The following BCL11A variants were observed in gnomAD, a reference collection of about 807,000 sequenced individuals.
The protein encoded by BCL11A is BCL11 transcription factor A.
BCL11A carries 2 observed loss-of-function variants against 55.9 expected under a neutral mutation model. The observed-to-expected ratio is 0.04, with a 90% CI of 0.01 to 0.11. The LOEUF is 0.11. Among genes scored for constraint, BCL11A ranks in the 10% least tolerant of loss-of-function variants. The pLI, the probability that BCL11A is intolerant of heterozygous loss-of-function variation, is 1.00. For synonymous variants in BCL11A, 465 were observed against 473.4 expected (o/e 0.98, Z 0.23); for missense variants, 817 against 1,137.1 (o/e 0.72, Z 4.05).
In BCL11A at chr2:60,553,287, G is replaced by A; in HGVS notation, c.-17C>T. On this transcript the variant is annotated 5_prime_UTR_variant, in exon 1 of 4. Coordinates refer to ENST00000642384, the MANE Select transcript of BCL11A (RefSeq NM_022893.4). ...GCGAGACATGGTGGGCTGCGGGGCG[G>A]GCGGCGGCGGCGGCGGCGGCGGCGG... 1.2e-5 allele frequency: 14 copies of A among 1,149,630 alleles called. No individual in the cohort carries two copies. The highest frequency in any genetic ancestry group is 1.5e-5 in the Non-Finnish European group (14 of 909,970). The allele number at this position is 1,149,630 out of a possible 1,614,324, so 71.2% of individuals were successfully genotyped here.
chr2:60,532,098 C>G (rs769744441), intron 2 of BCL11A, among the ~76,000 whole-genome samples: 2 of 152,168 alleles, frequency 1.3e-5, no homozygotes. Flanking sequence ...AAATCCAACA[C>G]ACCCACCGCA....
chr2:60,452,577 A>G, downstream of BCL11A: 1 of 1,613,220 alleles, frequency 6.2e-7, no homozygotes, highest in Non-Finnish European at 8.5e-7. Flanking sequence ...AAATTTTCTC[A>G]GAACTTAAGG....
chr2:60,503,790 A>G (rs1460650411), intron 2 of BCL11A, among the ~76,000 whole-genome samples: 2 of 152,236 alleles, frequency 1.3e-5, no homozygotes, highest in Non-Finnish European at 2.9e-5. Context: ...CCTAAAGCCC[A>G]CTGCAAGGGA....
chr2:60,537,964 TA>T (rs1030734787), intron 2 of BCL11A: 7 of 152,364 alleles, frequency 4.6e-5, no homozygotes, highest in African/African-American at 1.4e-4. Context: ...TTGGCAATGC[TA>T]ACAACAGTGA....
At chr2:60,492,962 C>T (rs1201037983) in intron 2 of BCL11A, among the ~76,000 whole-genome samples, 1 of 152,232 alleles carries the variant, frequency 6.6e-6, no homozygotes, top group Non-Finnish European at 1.5e-5. Context: ...AAAGCCCCCT[C>T]ATGCCCCTTT....
chr2:60,552,255 AT>A (rs1228443306), intron 1 of BCL11A, among the ~76,000 whole-genome samples: 1 of 151,846 alleles, frequency 6.6e-6, no homozygotes, highest in Non-Finnish European at 1.5e-5. Context: ...TATTTATTTT[AT>A]TTTTATGTAT....
chr2:60,497,507 G>A (rs1679020426), intron 2 of BCL11A, among the ~76,000 whole-genome samples: 1 of 152,108 alleles, frequency 6.6e-6, no homozygotes, highest in Non-Finnish European at 1.5e-5. Flanking sequence ...AACATTCCAG[G>A]TAGACAGATT....
downstream of BCL11A, among the ~76,000 whole-genome samples, chr2:60,455,061 T>C (rs1217252935): frequency 2.6e-5 from 4 of 152,126 alleles, no homozygotes; most frequent in East Asian, 7.7e-4. Context: ...GGATAGCAAA[T>C]GGGTTCAGGA....
At position 60,460,029 on chromosome 2, in the gene BCL11A, T is replaced by A. The variant is rs566844089; in HGVS notation, c.*375A>T. The A allele has an allele frequency of 1.9e-6, 2 of 1,080,292 alleles. No individual in the cohort carries two copies. Among genetic ancestry groups the A allele is most frequent in the African/African-American group, 3.3e-5 (2 of 61,498 alleles). The allele number at this position is 1,080,292 out of a possible 1,614,324, so 66.9% of individuals were successfully genotyped here. A position where few individuals can be genotyped will look rare whatever the true frequency, so the allele number is the denominator to read the frequency against. ...GGGACAATTTAAAATAGCCATAACA[T>A]ACCATACATGCTGTCTAAGTTTAAA... On this transcript the variant is annotated 3_prime_UTR_variant, in exon 4 of 4. Transcript: ENST00000642384.
intron 1 of BCL11A, among the ~76,000 whole-genome samples, chr2:60,551,838 CG>C (rs1464852195): frequency 6.6e-6 from 1 of 150,386 alleles, no homozygotes; most frequent in African/African-American, 2.4e-5. Context: ...GGGCAAGGCC[CG>C]GGCGAGGCCA....
chr2:60,528,242 G>C (rs1047719319), intron 2 of BCL11A: 1 of 152,528 alleles, frequency 6.6e-6, no homozygotes, highest in Non-Finnish European at 1.5e-5. Flanking sequence ...AAATGCCACA[G>C]AGACAACACA....
chr2:60,516,115 C>T (rs1354128432), intron 2 of BCL11A, among the ~76,000 whole-genome samples: 3 of 152,208 alleles, frequency 2.0e-5, no homozygotes, highest in African/African-American at 7.2e-5. Flanking sequence ...CCTGTGATGA[C>T]TCATGCCAGC....
At chr2:60,514,314 C>T (rs913263347) in intron 2 of BCL11A, among the ~76,000 whole-genome samples, 1 of 152,156 alleles carries the variant, frequency 6.6e-6, no homozygotes, top group Admixed American at 6.5e-5. Flanking sequence ...CCCTACCAGG[C>T]AACCCATTTC....
intron 2 of BCL11A, among the ~76,000 whole-genome samples, chr2:60,516,977 GGAA>G (rs1364654802): frequency 6.6e-6 from 1 of 152,120 alleles, no homozygotes; most frequent in South Asian, 2.1e-4. Context: ...AGATTATTTA[GGAA>G]GAAGAAGTGG....
At chr2:60,488,257 T>C (rs890962217) in intron 2 of BCL11A, among the ~76,000 whole-genome samples, 1 of 152,226 alleles carries the variant, frequency 6.6e-6, no homozygotes, top group African/African-American at 2.4e-5. Flanking sequence ...AACTGAACAA[T>C]GTCTCCAAGA....
chr2:60,528,694 G>A (rs187398318), intron 2 of BCL11A, among the ~76,000 whole-genome samples: 47 of 152,260 alleles, frequency 3.1e-4, no homozygotes, highest in Non-Finnish European at 1.9e-4. Context: ...GACCCTCAGG[G>A]AAGTCATTTA....
In BCL11A at chr2:60,461,629, A is replaced by T. The variant is rs773213221; in HGVS notation, c.1283T>A (p.Met428Lys). The change falls in exon 4 of 4, where the codon ATG becomes AAG. Residue 428 changes from methionine (M) to lysine (K), a missense_variant. Met to Lys is a moderately conservative substitution (Grantham distance 95). Transcript: ENST00000642384. ...SKLKRHMKTH[M>K]HKSSPMTVKS... ...GACCGTCATGGGGGACGATTTGTGC[A>T]TGTGCGTCTTCATGTGGCGCTTCAG... 2.5e-6 allele frequency: 4 copies of T among 1,613,746 alleles called. No homozygotes were observed. The East Asian group carries it at 8.9e-5, about 36-fold the overall frequency.
Position 60,458,886 on chromosome 2 carries a change from A to G in BCL11A, c.*1518T>C. On this transcript the variant is annotated 3_prime_UTR_variant, in exon 4 of 4. Coordinates refer to ENST00000642384, the MANE Select transcript of BCL11A (RefSeq NM_022893.4). ...AAAAATTAAAAAAATAAAAATAAAA[A>G]CAATGAATCCTCTTCCATGTTAACA... 1 of 1,030,820 alleles carries G rather than the reference A, an allele frequency of 9.7e-7. No homozygotes were observed. The highest frequency in any genetic ancestry group is 4.6e-5 in the South Asian group (1 of 21,638). 63.9% of individuals were successfully genotyped at this position (1,030,820 alleles called of 1,614,324 possible).
At chr2:60,538,993 G>A (rs1669799487) in intron 2 of BCL11A, among the ~76,000 whole-genome samples, 1 of 152,158 alleles carries the variant, frequency 6.6e-6, no homozygotes, top group South Asian at 2.1e-4. Context: ...GAATTGGGAG[G>A]TGGCAGAGTT....
Sources: allele counts gnomAD v4.1 joint callset (sites outside exome capture counted in the v4.1 genomes callset), GRCh38; gene constraint gnomAD v4.1.1; transcripts MANE v1.5; gene names NCBI Gene and HGNC (gene_info 2026-07-23, HGNC 2026-07-21).